Variants in MKX observed in about 807,000 individuals in gnomAD.
The protein encoded by MKX is mohawk homeobox, also known as homeobox protein Mohawk.
MKX carries 13 observed loss-of-function variants against 36.0 expected under a neutral mutation model. That is an observed-to-expected ratio of 0.36 (90% CI 0.24 to 0.57). The LOEUF (loss-of-function observed/expected upper bound fraction) is 0.57, where lower values mean the gene tolerates loss of function less well. MKX is among the 20% of genes least tolerant of loss of function. The pLI, the probability that MKX is intolerant of heterozygous loss-of-function variation, is 0.79. For synonymous variants in MKX, 176 were observed against 178.3 expected (o/e 0.99, Z 0.10); for missense variants, 458 against 456.4 (o/e 1.00, Z -0.03).
chr10:27,737,725 A>C (rs1188686914), intron 3 of MKX, among the ~76,000 whole-genome samples: 1 of 152,114 alleles, frequency 6.6e-6, no homozygotes, highest in Non-Finnish European at 1.5e-5. Flanking sequence ...CTTCCCCTAG[A>C]TCATTCATAT....
Position 27,743,716 on chromosome 10 carries a change from C to T in MKX, c.-82-219G>A, listed in dbSNP as rs569048370. ...GTACCTGCCCTCTTCCTTGCCTGGG[C>T]GATCGATCCCCCCAATCCCTTCACT... is the stretch of plus-strand genomic sequence containing the variant. On this transcript the variant is annotated intron_variant, in intron 1 of 6. Coordinates refer to ENST00000419761, the MANE Select transcript of MKX (RefSeq NM_173576.3). Among the ~76,000 whole-genome samples the T allele has an allele frequency of 1.4e-4, 21 of 152,236 alleles. No homozygotes were observed. The South Asian group carries it at 2.9e-3, about 21-fold the overall frequency.
chr10:27,711,494 T>TCTCTCCCTTC (rs1554772211), intron 5 of MKX, among the ~76,000 whole-genome samples: 2 of 34,152 alleles, frequency 5.9e-5, no homozygotes, highest in African/African-American at 2.9e-4. Context: ...TCTCTCTCTC[T>TCTCTCCCTTC]CTTCTTTCCT....
At chr10:27,727,033 G>A (rs2132625552) in intron 5 of MKX, among the ~76,000 whole-genome samples, 1 of 152,282 alleles carries the variant, frequency 6.6e-6, no homozygotes, top group African/African-American at 2.4e-5. Context: ...GTGAGAGCCA[G>A]TACCAAATGA....
chr10:27,700,380 C>T (rs1379600359), intron 5 of MKX, among the ~76,000 whole-genome samples: 2 of 152,152 alleles, frequency 1.3e-5, no homozygotes, highest in Admixed American at 1.3e-4. Flanking sequence ...ACAGAACATG[C>T]ATATAAAAAT....
In MKX at chr10:27,744,952, C is replaced by A. The variant is rs931748498; in HGVS notation, c.-83+755G>T. On this transcript the variant is annotated intron_variant, in intron 1 of 6. Coordinates refer to ENST00000419761, the MANE Select transcript of MKX (RefSeq NM_173576.3). This position sits in a 1 kb window ranked among gnomAD's most constrained non-coding sequence, Gnocchi z 5.6. ...CTGCGTCCTCCCGCGCAGACAGGTA[C>A]GTGCCTGGGGTGTGCACATAGCCTC... is the stretch of plus-strand genomic sequence containing the variant. The A allele has an allele frequency of 1.3e-5, 2 of 152,256 alleles. No individual in the cohort carries two copies. Among genetic ancestry groups the A allele is most frequent in the African/African-American group, 2.4e-5 (1 of 41,436 alleles). 9.4% of individuals were successfully genotyped at this position (152,256 alleles called of 1,614,324 possible). A position where few individuals can be genotyped will look rare whatever the true frequency, so the allele number is the denominator to read the frequency against.
At chr10:27,701,292 A>G (rs1197937451) in intron 5 of MKX, among the ~76,000 whole-genome samples, 1 of 151,236 alleles carries the variant, frequency 6.6e-6, no homozygotes, top group Non-Finnish European at 1.5e-5. Flanking sequence ...GAAGCGGTGC[A>G]CATCACGGCA....
chr10:27,742,222 G>C lies in MKX; in HGVS notation c.189-718C>G, dbSNP rs564258352. ...CCTCAGGAAAAGCACATTCAAAGGG[G>C]GAGGAGGCAGAGGCAGCCAGGAGCC... On this transcript the variant is annotated intron_variant, in intron 2 of 6. Coordinates refer to ENST00000419761, the MANE Select transcript of MKX (RefSeq NM_173576.3). The surrounding 1 kb of genome is among the most constrained non-coding windows in gnomAD (Gnocchi z 4.2). 2.6e-5 allele frequency among the ~76,000 whole-genome samples: 4 copies of C among 152,152 alleles called. No individual in the cohort carries two copies.
chr10:27,727,471 G>T (rs1353878418), intron 5 of MKX, among the ~76,000 whole-genome samples: 2 of 152,244 alleles, frequency 1.3e-5, no homozygotes, highest in African/African-American at 4.8e-5. Flanking sequence ...AAGCCAGAAA[G>T]AAATGTAATT....
At chr10:27,697,412 T>C (rs1439233016) in intron 5 of MKX, among the ~76,000 whole-genome samples, 10 of 152,126 alleles carry the variant, frequency 6.6e-5, no homozygotes, top group Admixed American at 5.9e-4. Flanking sequence ...ATAATAACAG[T>C]ATTTAGTGAG....
At chr10:27,711,752 CTT>C (rs78057670) in intron 5 of MKX, among the ~76,000 whole-genome samples, 8 of 138,730 alleles carry the variant, frequency 5.8e-5, no homozygotes, top group African/African-American at 1.9e-4. Context: ...TTTTAAAACT[CTT>C]TTTTTTTTTT....
Position 27,741,569 on chromosome 10 carries a change from C to T in MKX, c.189-65G>A, listed in dbSNP as rs776179542. On this transcript the variant is annotated intron_variant, in intron 2 of 6. Coordinates refer to ENST00000419761, the MANE Select transcript of MKX (RefSeq NM_173576.3). The surrounding 1 kb of genome is among the most constrained non-coding windows in gnomAD (Gnocchi z 5.1). ...CGTTTGCCCGCCCGGACGCTCCACG[C>T]CCCGGCCAAGCCCGGGCCCCGCATC... is the stretch of plus-strand genomic sequence containing the variant. 1.3e-6 allele frequency: 2 copies of T among 1,498,304 alleles called. No individual in the cohort carries two copies. Among genetic ancestry groups the T allele is most frequent in the Middle Eastern group, 2.3e-4 (1 of 4,418 alleles). 92.8% of individuals were successfully genotyped at this position (1,498,304 alleles called of 1,614,324 possible).
intron 5 of MKX, among the ~76,000 whole-genome samples, chr10:27,734,184 G>A (rs1834697091): frequency 6.6e-6 from 1 of 151,494 alleles, no homozygotes; most frequent in South Asian, 2.1e-4. Context: ...AAAACAAAAT[G>A]AAAATATTAA....
chr10:27,732,355 T>A (rs1024189079), intron 5 of MKX, among the ~76,000 whole-genome samples: 2 of 152,202 alleles, frequency 1.3e-5, no homozygotes, highest in Non-Finnish European at 2.9e-5. Flanking sequence ...ACTTTTCTTG[T>A]TTATGAACTT....
intron 5 of MKX, among the ~76,000 whole-genome samples, chr10:27,686,551 A>C (rs1430512577): frequency 1.3e-5 from 2 of 151,240 alleles, no homozygotes; most frequent in Admixed American, 6.6e-5. Context: ...ATCTCGGCTC[A>C]CTGCAACCTC....
intron 5 of MKX, among the ~76,000 whole-genome samples, chr10:27,730,292 T>TA (rs1215272704): frequency 6.6e-6 from 1 of 152,202 alleles, no homozygotes; most frequent in African/African-American, 2.4e-5. Context: ...AATGTCTATG[T>TA]AAAATCAATA....
At chr10:27,724,756 T>TAC (rs55968845) in intron 5 of MKX, among the ~76,000 whole-genome samples, 83,159 of 141,278 alleles carry the variant, frequency 0.59, 25,374 homozygotes, top group Non-Finnish European at 0.7. Context: ...TACTACTACC[T>TAC]ACACACACAC....
At chr10:27,723,477 A>G (rs887617011) in intron 5 of MKX, among the ~76,000 whole-genome samples, 1 of 152,216 alleles carries the variant, frequency 6.6e-6, no homozygotes, top group African/African-American at 2.4e-5. Context: ...GAAAACAATC[A>G]TATCACTCAA....
Position 27,734,769 on chromosome 10 carries a change from G to C in MKX, c.525C>G (p.Thr175=). ...TATTATAGCCCCCTTCGTTCATGTG[G>C]GTTCTTGGAGGATTTTCTCCATCTA... is the stretch of plus-strand genomic sequence containing the variant. The part of the protein sequence containing the change: ...CSEDGENPPR[T]HMNEGGYNTP... The change falls in exon 5 of 7, where the codon ACC becomes ACG. Residue 175 remains threonine (T), a synonymous_variant. Transcript: ENST00000419761. 6.2e-7 allele frequency: 1 copy of C among 1,611,260 alleles called. No homozygotes were observed. Among genetic ancestry groups the C allele is most frequent in the South Asian group, 1.1e-5 (1 of 90,742 alleles).
chr10:27,711,494 TC>T (rs1836863845), intron 5 of MKX, among the ~76,000 whole-genome samples: 35 of 34,130 alleles, frequency 1.0e-3, no homozygotes, highest in African/African-American at 5.0e-3. Context: ...TCTCTCTCTC[TC>T]TTCTTTCCTT....
Sources: gnomAD v4.1 joint callset for allele counts (sites outside exome capture counted in the v4.1 genomes callset) on GRCh38, gnomAD v4.1.1 for gene constraint, Gnocchi (gnomAD v3.1) non-coding constraint, MANE v1.5 for transcripts, NCBI Gene and HGNC (gene_info 2026-07-23, HGNC 2026-07-21) for gene names.